Variants in MYO9B observed in about 807,000 individuals in gnomAD.
The protein encoded by MYO9B is unconventional myosin-IXb.
In MYO9B, 71 loss-of-function variants were observed where a neutral mutation model predicts 229.5. The ratio of observed to expected loss-of-function variants is 0.31; its 90% CI spans 0.26 to 0.38. The LOEUF (loss-of-function observed/expected upper bound fraction) is 0.38, where lower values mean the gene tolerates loss of function less well. MYO9B is among the 10% of genes least tolerant of loss of function. The pLI, the probability that MYO9B is intolerant of heterozygous loss-of-function variation, is 1.00. For synonymous variants in MYO9B, 1,185 were observed against 1,235.8 expected (o/e 0.96, Z 0.86); for missense variants, 2,255 against 2,920.5 (o/e 0.77, Z 5.25).
intron 18 of MYO9B, among the ~76,000 whole-genome samples, 156 bp from the exon 19 acceptor site, chr19:17,187,779 G>A (rs373721442): frequency 1.1e-3 from 163 of 152,132 alleles, no homozygotes; most frequent in African/African-American, 3.8e-3. Context: ...GCACCCACGT[G>A]TGCACCCTGA....
chr19:17,103,024 C>T (rs2057760196), intron 2 of MYO9B, among the ~76,000 whole-genome samples: 1 of 148,910 alleles, frequency 6.7e-6, no homozygotes, highest in Admixed American at 6.7e-5. Flanking sequence ...CAACATCAGC[C>T]TGGTCAACAC....
At chr19:17,145,147 A>T in intron 2 of MYO9B, among the ~76,000 whole-genome samples, 1 of 151,842 alleles carries the variant, frequency 6.6e-6, no homozygotes, top group Non-Finnish European at 1.5e-5. Context: ...ATGGTAGCGC[A>T]CATCTGTAGT....
At chr19:17,152,583 CAATATT>C in intron 3 of MYO9B, 55 bp from the exon 4 acceptor site, 5 of 1,370,998 alleles carry the variant, frequency 3.6e-6, no homozygotes, top group Non-Finnish European at 3.0e-6. Flanking sequence ...AAAAACAACT[CAATATT>C]AACACAATAC....
At chr19:17,131,119 T>A (rs1281565959) in intron 2 of MYO9B, among the ~76,000 whole-genome samples, 1 of 152,162 alleles carries the variant, frequency 6.6e-6, no homozygotes, top group Non-Finnish European at 1.5e-5. Context: ...TTAGTAATTT[T>A]CCATCCACTG....
intron 18 of MYO9B, 77 bp downstream of exon 18, chr19:17,186,078 C>G: frequency 3.0e-6 from 4 of 1,340,018 alleles, no homozygotes; most frequent in African/African-American, 2.9e-5. Context: ...TGCATCCAGC[C>G]CCAGCCTCCA....
intron 2 of MYO9B, among the ~76,000 whole-genome samples, chr19:17,107,606 G>A (rs1479735606): frequency 2.0e-5 from 3 of 152,176 alleles, no homozygotes; most frequent in East Asian, 1.9e-4. Flanking sequence ...CCACGGGGCC[G>A]CACTCCCTCC....
At chr19:17,206,618 G>T (rs766319990) in intron 33 of MYO9B, 61 bp from the exon 34 acceptor site, 105 of 1,438,016 alleles carry the variant, frequency 7.3e-5, no homozygotes, top group Non-Finnish European at 9.7e-5. Flanking sequence ...CGTGTTGGTG[G>T]GGACAACAGG....
chr19:17,122,085 A>C (rs1252018748), intron 2 of MYO9B, among the ~76,000 whole-genome samples: 15 of 152,184 alleles, frequency 9.9e-5, no homozygotes, highest in Non-Finnish European at 2.1e-4. Context: ...AAACCTTTCC[A>C]AATGAGCTGA....
At chr19:17,139,277 G>A (rs1161764277) in intron 2 of MYO9B, among the ~76,000 whole-genome samples, 1 of 152,168 alleles carries the variant, frequency 6.6e-6, no homozygotes, top group Admixed American at 6.5e-5. Flanking sequence ...TAACACAATG[G>A]TAAATATTTG....
Position 17,172,766 on chromosome 19 carries a change from G to A in MYO9B, c.1943G>A (p.Arg648Gln). The change falls in exon 13 of 40, where the codon CGG becomes CAG. Residue 648 changes from arginine (R) to glutamine (Q), a missense_variant. Arg to Gln is a conservative substitution (Grantham distance 43, BLOSUM62 1). Around this residue, in one of 7 missense-constraint regions of MYO9B, gnomAD observed 220 missense variants for 404.5 expected, o/e 0.54. Coordinates refer to ENST00000682292, the MANE Select transcript of MYO9B (RefSeq NM_004145.4). This position sits in a 1 kb window ranked among gnomAD's most constrained non-coding sequence, Gnocchi z 8.2. ...GKVKYQIKDF[R>Q]EKNMDYMRPD... ...ACATCCATCCCCCACCAGGACTTCCGGGAGAAGAACATGGACTACATGCGG... is the reference window on the plus strand; with the variant it reads ...ACATCCATCCCCCACCAGGACTTCCAGGAGAAGAACATGGACTACATGCGG... The A allele has an allele frequency of 1.2e-6, 2 of 1,613,484 alleles. No homozygotes were observed. The highest frequency in any genetic ancestry group is 1.7e-6 in the Non-Finnish European group (2 of 1,179,750).
At chr19:17,083,645 C>CTT (rs5827358) in intron 1 of MYO9B, among the ~76,000 whole-genome samples, 308 of 121,182 alleles carry the variant, frequency 2.5e-3, no homozygotes, top group Non-Finnish European at 4.0e-3. Context: ...ATGCTGCCCT[C>CTT]TTTTTTTTTT....
chr19:17,155,877 A>T (rs1482627231), intron 6 of MYO9B, among the ~76,000 whole-genome samples: 4 of 152,094 alleles, frequency 2.6e-5, no homozygotes, highest in African/African-American at 9.7e-5. Flanking sequence ...AAAATTAGCC[A>T]TGCATGATGG....
intron 2 of MYO9B, among the ~76,000 whole-genome samples, chr19:17,136,620 A>G (rs1184426259): frequency 6.9e-6 from 1 of 144,580 alleles, no homozygotes; most frequent in Non-Finnish European, 1.5e-5. Context: ...GGTGGAGGCC[A>G]GGGACGCTGT....
At chr19:17,076,606 C>T (rs970269059) in intron 1 of MYO9B, among the ~76,000 whole-genome samples, 15 of 152,088 alleles carry the variant, frequency 9.9e-5, no homozygotes, top group African/African-American at 3.6e-4. Context: ...CCTCTTGATT[C>T]GTGTCCCTCC....
chr19:17,187,846 C>A, intron 18 of MYO9B, 89 bp from the exon 19 acceptor site: 1 of 1,102,836 alleles, frequency 9.1e-7, no homozygotes, highest in Non-Finnish European at 1.3e-6. Context: ...GTGCCCTCAT[C>A]TCACAGTTCC....
chr19:17,087,246 G>A (rs1024509518), intron 1 of MYO9B, among the ~76,000 whole-genome samples: 3 of 152,236 alleles, frequency 2.0e-5, no homozygotes, highest in African/African-American at 7.2e-5. Context: ...GCCACGGGGA[G>A]GCGGGTGGCC....
At position 17,101,954 on chromosome 19, in the gene MYO9B, C is replaced by A; in HGVS notation, c.237C>A (p.Asp79Glu). The A allele has an allele frequency of 2.5e-6, 4 of 1,613,400 alleles. No homozygotes were observed. Among genetic ancestry groups the A allele is most frequent in the Non-Finnish European group, 3.4e-6 (4 of 1,179,820 alleles). ...CGGGAGGCGAGGAATGGGTGCTGGA[C>A]GCCAACGACTCGCCTGTGCACCGGG... The part of the protein sequence containing the change: ...KESGGEEWVL[D>E]ANDSPVHRVL... The change falls in exon 2 of 40, where the codon GAC becomes GAA. Residue 79 changes from aspartate to glutamate, a missense_variant. Physicochemically the swap from Asp to Glu is conservative, Grantham distance 45. Transcript: ENST00000682292. This position sits in a 1 kb window ranked among gnomAD's most constrained non-coding sequence, Gnocchi z 4.7.
chr19:17,200,736 G>T lies in MYO9B; in HGVS notation c.4470G>T (p.Lys1490Asn), dbSNP rs960462486. Residue 1490 changes from lysine (K) to asparagine (N), a missense_variant, in exon 26 of 40, where the codon AAG becomes AAT. Lys to Asn is a moderately conservative substitution (Grantham distance 94). Around this residue, in one of 7 missense-constraint regions of MYO9B, gnomAD observed 416 missense variants for 605.5 expected, o/e 0.69. Transcript: ENST00000682292. ...AGAACCGAAATGTCAAGATTGGGAA[G>T]ATCACAGTGTCAGAGAAGTGGCGGG... is the stretch of plus-strand genomic sequence containing the variant. ...GKKNRNVKIGKITVSEKWRES... is the reference protein window; with the variant it reads ...GKKNRNVKIGNITVSEKWRES... 11 of 1,614,096 alleles carry T rather than the reference G, an allele frequency of 6.8e-6. No homozygotes were observed. The highest frequency in any genetic ancestry group is 9.3e-6 in the Non-Finnish European group (11 of 1,179,910).
chr19:17,176,664 G>C (rs1468638314), intron 14 of MYO9B, among the ~76,000 whole-genome samples: 1 of 152,178 alleles, frequency 6.6e-6, no homozygotes, highest in Admixed American at 6.5e-5. Context: ...CCTAGGGTGG[G>C]CACTGGGAGG....
Sources: allele counts gnomAD v4.1 joint callset (sites outside exome capture counted in the v4.1 genomes callset), GRCh38; gene constraint gnomAD v4.1.1; regional missense constraint gnomAD v4.1.1; non-coding constraint Gnocchi (gnomAD v3.1); transcripts MANE v1.5; gene names NCBI Gene and HGNC (gene_info 2026-07-23, HGNC 2026-07-21).